The following MROH1 variants were observed in gnomAD, a reference collection of about 807,000 sequenced individuals.
The protein encoded by MROH1 is maestro heat like repeat family member 1, also known as maestro heat-like repeat-containing protein family member 1.
Under a neutral mutation model 116.5 loss-of-function variants are expected in MROH1, and 117 were observed. The observed-to-expected ratio is 1.00, with a 90% CI of 0.86 to 1.17. The LOEUF (loss-of-function observed/expected upper bound fraction) is 1.17. Ranked by LOEUF, MROH1 falls within the 50% of genes most tolerant of loss-of-function variation. The pLI, the probability that MROH1 is intolerant of heterozygous loss-of-function variation, is 0.00. For missense variants in MROH1, 1,873 were observed against 1,338.5 expected (o/e 1.40, Z -6.23); for synonymous variants, 921 against 583.9 (o/e 1.58, Z -8.32).
chr8:144,228,926 A>G (rs147583807), intron 14 of MROH1, among the ~76,000 whole-genome samples: 34 of 152,298 alleles, frequency 2.2e-4, no homozygotes, highest in African/African-American at 7.7e-4. Context: ...CTGCTTTATC[A>G]ACTAAGTTTA....
Position 144,168,282 on chromosome 8 carries a change from T to A in MROH1, c.23-13T>A. 6.3e-7 allele frequency: 1 copy of A among 1,586,378 alleles called. No homozygotes were observed. Among genetic ancestry groups the A allele is most frequent in the African/African-American group, 1.3e-5 (1 of 74,656 alleles). ...TTGGGCCTGAGCATGCTAACCAGGC[T>A]TTGTCGCTGCAGAGCTGGCCTCCAC... On this transcript the variant is annotated splice_polypyrimidine_tract_variant and intron_variant, in intron 3 of 43. Transcript: ENST00000326134.
Position 144,258,857 on chromosome 8 carries a change from GCTGGGAA to G in MROH1, c.3876_3882del (p.Trp1292CysfsTer31). ...GTACAGCGCATGGACCTGGAGGGAGGCTGGGAACTGCTCAGGACCTCGGCGGGGCATG... is the reference window on the plus strand; with the variant it reads ...GTACAGCGCATGGACCTGGAGGGAGGCTGCTCAGGACCTCGGCGGGGCATG... On this transcript the variant is annotated frameshift_variant, in exon 36 of 44. Transcript: ENST00000326134. LOFTEE classifies it high-confidence loss of function. 13 of 769,612 alleles carry G rather than the reference GCTGGGAA, an allele frequency of 1.7e-5. No homozygotes were observed. The highest frequency in any genetic ancestry group is 2.4e-5 in the Non-Finnish European group (10 of 414,538). 47.7% of individuals were successfully genotyped at this position (769,612 alleles called of 1,614,324 possible).
In MROH1 at chr8:144,261,765, G is replaced by C. The variant is rs1025223147; in HGVS notation, c.*25G>C. On this transcript the variant is annotated 3_prime_UTR_variant, in exon 44 of 44. Coordinates refer to ENST00000326134, the MANE Select transcript of MROH1 (RefSeq NM_032450.3). ...AGGCTCCGGCCAGCACCCCCAGCGA[G>C]GAGTATGCACCCAGACCTGTGCCTG... 4.3e-6 allele frequency: 3 copies of C among 703,522 alleles called. No individual in the cohort carries two copies. The South Asian group carries it at 4.4e-5, about 10-fold the overall frequency. The allele number at this position is 703,522 out of a possible 1,614,324, so 43.6% of individuals were successfully genotyped here.
intron 14 of MROH1, among the ~76,000 whole-genome samples, chr8:144,238,465 C>T (rs1840416842): frequency 1.3e-5 from 2 of 152,184 alleles, no homozygotes; most frequent in Non-Finnish European, 2.9e-5. Context: ...AGAGGCTATC[C>T]TGTTCCTCCC....
intron 4 of MROH1, chr8:144,175,504 C>T (rs980378468): frequency 3.2e-5 from 32 of 985,348 alleles, no homozygotes; most frequent in African/African-American, 5.2e-5. Context: ...TGCACTATAC[C>T]GGCCGTGCTG....
In MROH1 at chr8:144,244,440, C is replaced by A; in HGVS notation, c.2671-4C>A. On this transcript the variant is annotated splice_region_variant and splice_polypyrimidine_tract_variant and intron_variant, in intron 27 of 43. Transcript: ENST00000326134. The stretch of plus-strand genomic sequence containing the variant: ...GGGGCTGGACGGCCTGGCTCTCCTT[C>A]CAGTCCCTGTATCTGGAGACACTGC... The A allele has an allele frequency of 1.3e-6, 1 of 755,362 alleles. No individual in the cohort carries two copies. The highest frequency in any genetic ancestry group is 2.5e-5 in the East Asian group (1 of 39,836). The allele number at this position is 755,362 out of a possible 1,614,324, so 46.8% of individuals were successfully genotyped here. A position where few individuals can be genotyped will look rare whatever the true frequency, so the allele number is the denominator to read the frequency against.
Position 144,220,593 on chromosome 8 carries a change from C to G in MROH1, c.1142-7C>G. On this transcript the variant is annotated splice_region_variant and splice_polypyrimidine_tract_variant and intron_variant, in intron 12 of 43. Coordinates refer to ENST00000326134, the MANE Select transcript of MROH1 (RefSeq NM_032450.3). Reference sequence around the variant, plus strand: ...GTAGGCTGAGCTGTCCTGTTTGTTTCTTGCAGCTGCTCAGATGGAAGATAA... The same window carrying G: ...GTAGGCTGAGCTGTCCTGTTTGTTTGTTGCAGCTGCTCAGATGGAAGATAA... 6.4e-7 allele frequency: 1 copy of G among 1,566,766 alleles called. No individual in the cohort carries two copies.
chr8:144,261,763 G>A lies in MROH1; in HGVS notation c.*23G>A, dbSNP rs1554836109. Reference sequence around the variant, plus strand: ...TAAGGCTCCGGCCAGCACCCCCAGCGAGGAGTATGCACCCAGACCTGTGCC... The same window carrying A: ...TAAGGCTCCGGCCAGCACCCCCAGCAAGGAGTATGCACCCAGACCTGTGCC... On this transcript the variant is annotated 3_prime_UTR_variant, in exon 44 of 44. Coordinates refer to ENST00000326134, the MANE Select transcript of MROH1 (RefSeq NM_032450.3). 2.7e-5 allele frequency: 19 copies of A among 703,848 alleles called. No homozygotes were observed. Among genetic ancestry groups the A allele is most frequent in the Middle Eastern group, 7.0e-4 (2 of 2,856 alleles). The allele number at this position is 703,848 out of a possible 1,614,324, so 43.6% of individuals were successfully genotyped here.
chr8:144,245,144 C>T lies in MROH1; in HGVS notation c.2767-12C>T, dbSNP rs1273799678. 2 of 778,722 alleles carry T rather than the reference C, an allele frequency of 2.6e-6. No homozygotes were observed. The highest frequency in any genetic ancestry group is 4.8e-6 in the Non-Finnish European group (2 of 417,766). The allele number at this position is 778,722 out of a possible 1,614,324, so 48.2% of individuals were successfully genotyped here. The stretch of plus-strand genomic sequence containing the variant: ...CTCTGAGCAGTACCTGTGTGACGCC[C>T]CTCTTCCTCAGCACCTGAGCCCATG... On this transcript the variant is annotated splice_polypyrimidine_tract_variant and intron_variant, in intron 28 of 43. Coordinates refer to ENST00000326134, the MANE Select transcript of MROH1 (RefSeq NM_032450.3).
intron 43 of MROH1, 75 bp from the exon 44 acceptor site, chr8:144,261,580 G>C (rs1456254803): frequency 2.9e-6 from 2 of 700,590 alleles, no homozygotes; most frequent in South Asian, 1.5e-5. Flanking sequence ...AGGCTGTCAG[G>C]AGAGCGTGGC....
intron 12 of MROH1, 80 bp downstream of exon 12, chr8:144,200,621 T>C: frequency 1.0e-6 from 1 of 986,926 alleles, no homozygotes; most frequent in East Asian, 2.6e-5. Context: ...TGTGTCCCTC[T>C]AAGTGAAAGC....
At chr8:144,259,026 C>T (rs1844462933) in intron 36 of MROH1, 112 bp downstream of exon 36, 8 of 641,852 alleles carry the variant, frequency 1.2e-5, no homozygotes, top group Non-Finnish European at 2.0e-5. Flanking sequence ...CCAATGGTGC[C>T]CTGGGCTCCT....
At chr8:144,258,612 G>A (rs1010204993) in intron 35 of MROH1, among the ~76,000 whole-genome samples, 165 bp from the exon 36 acceptor site, 4 of 152,194 alleles carry the variant, frequency 2.6e-5, no homozygotes, top group Non-Finnish European at 4.4e-5. Context: ...GAAATGGGGG[G>A]CCTCTAGCAG....
At chr8:144,240,787 C>A in intron 20 of MROH1, 110 bp downstream of exon 20, 1 of 689,402 alleles carries the variant, frequency 1.5e-6, no homozygotes, top group Non-Finnish European at 2.7e-6. Context: ...GGTGGCCTGG[C>A]AGAGCCTCCT....
chr8:144,218,671 G>GTCCCCTCTCCCC (rs1307685916), intron 12 of MROH1, among the ~76,000 whole-genome samples: 7 of 14,888 alleles, frequency 4.7e-4, no homozygotes, highest in African/African-American at 1.8e-3. Context: ...CTCCCCTCCC[G>GTCCCCTCTCCCC]TCCCCTCTCC....
intron 4 of MROH1, chr8:144,175,103 G>A: frequency 1.0e-6 from 1 of 985,472 alleles, no homozygotes; most frequent in Non-Finnish European, 1.2e-6. Context: ...CCAAGATCAA[G>A]AACCAGAGGA....
intron 12 of MROH1, among the ~76,000 whole-genome samples, chr8:144,210,038 C>T (rs1833752099): frequency 6.6e-6 from 1 of 151,968 alleles, no homozygotes; most frequent in Admixed American, 6.6e-5. Flanking sequence ...ACCGAGACGC[C>T]CCTCCTTGCA....
chr8:144,180,285 G>A lies in MROH1; in HGVS notation c.408G>A (p.Gly136=). 6.2e-7 allele frequency: 1 copy of A among 1,609,514 alleles called. No homozygotes were observed. Among genetic ancestry groups the A allele is most frequent in the Non-Finnish European group, 8.5e-7 (1 of 1,179,762 alleles). ...MEELLRRLHP[G]TLPHCAVLHT... ...AGCTGCTGCGCAGGCTGCACCCTGG[G>A]ACCCTGCCACACTGCGCCGTGCTGC... is the stretch of plus-strand genomic sequence containing the variant. The change falls in exon 6 of 44, where the codon GGG becomes GGA. Residue 136 remains glycine (G), a synonymous_variant. Coordinates refer to ENST00000326134, the MANE Select transcript of MROH1 (RefSeq NM_032450.3). This position sits in a 1 kb window ranked among gnomAD's most constrained non-coding sequence, Gnocchi z 7.4.
intron 43 of MROH1, 95 bp downstream of exon 43, chr8:144,261,444 T>C: frequency 2.9e-6 from 2 of 699,862 alleles, no homozygotes; most frequent in East Asian, 2.7e-5. Flanking sequence ...CAGGACTTTT[T>C]CCCTGTCACT....
Sources: allele counts gnomAD v4.1 joint callset (sites outside exome capture counted in the v4.1 genomes callset), GRCh38; gene constraint gnomAD v4.1.1; non-coding constraint Gnocchi (gnomAD v3.1); transcripts MANE v1.5; gene names NCBI Gene and HGNC (gene_info 2026-07-23, HGNC 2026-07-21).